Variants in CSMD3 observed in about 807,000 individuals in gnomAD.
CSMD3 encodes CUB and sushi domain-containing protein 3.
CSMD3 carries 177 observed loss-of-function variants against 435.2 expected under a neutral mutation model. The observed-to-expected ratio is 0.41, with a 90% confidence interval of 0.36 to 0.46. The LOEUF (loss-of-function observed/expected upper bound fraction) is 0.46. Ranked by LOEUF, CSMD3 falls within the 20% of genes least tolerant of loss-of-function variation. CSMD3 has a pLI of 0.34. For synonymous variants in CSMD3, 1,656 were observed against 1,520.5 expected, an observed-to-expected ratio of 1.09 and a Z score of -2.07; for missense variants, 4,265 against 4,504.6, an observed-to-expected ratio of 0.95 and a Z score of 1.52.
intron 13 of CSMD3, among the ~76,000 whole-genome samples, chr8:112,755,335 A>AATG (rs1563929133): frequency 2.8e-5 from 3 of 108,962 alleles, no homozygotes; most frequent in African/African-American, 1.4e-4. Flanking sequence ...CGTCTCAAAT[A>AATG]ATAATAATAA....
At chr8:113,120,017 T>C (rs773020227) in intron 4 of CSMD3, among the ~76,000 whole-genome samples, 2 of 151,918 alleles carry the variant, frequency 1.3e-5, no homozygotes, top group East Asian at 3.9e-4. Flanking sequence ...ATAAAAAAAA[T>C]TTTCCTAATC....
intron 13 of CSMD3, among the ~76,000 whole-genome samples, chr8:112,752,775 A>G (rs986382208): frequency 7.9e-5 from 12 of 152,190 alleles, no homozygotes; most frequent in African/African-American, 2.7e-4. Flanking sequence ...ATGTATCTTT[A>G]TTATCTAGAG....
chr8:112,722,206 A>T (rs1587077940), intron 13 of CSMD3, among the ~76,000 whole-genome samples: 1 of 152,164 alleles, frequency 6.6e-6, no homozygotes, highest in South Asian at 2.1e-4. Flanking sequence ...AAAAAAAAAA[A>T]AGCAAGGGAA....
At chr8:113,262,459 T>G (rs1279299821) in intron 3 of CSMD3, among the ~76,000 whole-genome samples, 1 of 152,060 alleles carries the variant, frequency 6.6e-6, no homozygotes, top group Non-Finnish European at 1.5e-5. Flanking sequence ...TCCTTCCCCA[T>G]GAGTGCAGGT....
intron 5 of CSMD3, among the ~76,000 whole-genome samples, chr8:113,022,220 AT>A (rs1286557355): frequency 6.6e-6 from 1 of 152,146 alleles, no homozygotes; most frequent in Non-Finnish European, 1.5e-5. Flanking sequence ...AATTTAGATA[AT>A]TACTAAAGGA....
chr8:113,003,150 CAGA>C (rs2085928225), intron 6 of CSMD3, among the ~76,000 whole-genome samples: 1 of 152,032 alleles, frequency 6.6e-6, no homozygotes, highest in Non-Finnish European at 1.5e-5. Context: ...GAGGCTGAGG[CAGA>C]AGAATCACTT....
At chr8:112,575,864 T>G (rs1024435072) in intron 23 of CSMD3, among the ~76,000 whole-genome samples, 4 of 152,120 alleles carry the variant, frequency 2.6e-5, no homozygotes, top group African/African-American at 9.6e-5. Flanking sequence ...ATTTTATGAT[T>G]CTATATTACA....
intron 3 of CSMD3, among the ~76,000 whole-genome samples, chr8:113,222,332 A>C (rs1367349634): frequency 6.6e-6 from 1 of 151,060 alleles, no homozygotes; most frequent in African/African-American, 2.4e-5. Flanking sequence ...TAATCTTTAA[A>C]TTTAGAAAAC....
chr8:112,339,521 T>C (rs1431721168), intron 42 of CSMD3, among the ~76,000 whole-genome samples: 2 of 152,168 alleles, frequency 1.3e-5, no homozygotes, highest in African/African-American at 4.8e-5. Flanking sequence ...TTTCGTTCTT[T>C]TGTTGCTTCA....
intron 22 of CSMD3, among the ~76,000 whole-genome samples, chr8:112,604,116 A>G (rs1832601279): frequency 6.6e-6 from 1 of 152,276 alleles, no homozygotes; most frequent in Admixed American, 6.5e-5. Context: ...GCAAACTTTC[A>G]GTTAAATGAA....
intron 38 of CSMD3, among the ~76,000 whole-genome samples, chr8:112,367,921 A>G (rs1827942601): frequency 6.6e-6 from 1 of 152,194 alleles, no homozygotes; most frequent in African/African-American, 2.4e-5. Flanking sequence ...GGTTTACTAT[A>G]TAACTGGCAC....
intron 13 of CSMD3, among the ~76,000 whole-genome samples, chr8:112,773,916 A>G (rs1414065317): frequency 6.6e-6 from 1 of 152,072 alleles, no homozygotes; most frequent in African/African-American, 2.4e-5. Flanking sequence ...AAAGCAAGAT[A>G]TAGTTTTCCA....
At chr8:112,651,290 A>C (rs969917677) in intron 18 of CSMD3, among the ~76,000 whole-genome samples, 4 of 152,202 alleles carry the variant, frequency 2.6e-5, no homozygotes, top group African/African-American at 9.7e-5. Context: ...TATATGAGAA[A>C]ATATTTATTT....
chr8:112,697,299 T>G (rs2076279763), intron 13 of CSMD3, among the ~76,000 whole-genome samples: 1 of 152,200 alleles, frequency 6.6e-6, no homozygotes, highest in Admixed American at 6.5e-5. Flanking sequence ...GCAGCACTAT[T>G]CACAATAGCA....
At chr8:112,763,608 G>A (rs1055664992) in intron 13 of CSMD3, among the ~76,000 whole-genome samples, 2 of 146,842 alleles carry the variant, frequency 1.4e-5, no homozygotes, top group African/African-American at 5.0e-5. Context: ...AAAAATAAGA[G>A]CTTCTACTTC....
At chr8:112,770,326 C>T (rs530117796) in intron 13 of CSMD3, among the ~76,000 whole-genome samples, 1 of 151,874 alleles carries the variant, frequency 6.6e-6, no homozygotes, top group Admixed American at 6.6e-5. Flanking sequence ...TTTTCTTGAC[C>T]CTTCCACCTT....
intron 11 of CSMD3, among the ~76,000 whole-genome samples, chr8:112,835,529 G>T (rs1241709488): frequency 6.6e-6 from 1 of 151,870 alleles, no homozygotes; most frequent in East Asian, 1.9e-4. Context: ...TAGGAATCTT[G>T]GTAGGAAGTA....
At chr8:112,905,273 G>T (rs536879441) in intron 10 of CSMD3, among the ~76,000 whole-genome samples, 1 of 149,586 alleles carries the variant, frequency 6.7e-6, no homozygotes, top group African/African-American at 2.5e-5. Context: ...CAATTTATTA[G>T]ACAAACAGAT....
intron 28 of CSMD3, among the ~76,000 whole-genome samples, chr8:112,515,039 A>C (rs2251983): frequency 0.53 from 79,748 of 151,692 alleles, 21,025 homozygotes; most frequent in Non-Finnish European, 0.54. Context: ...AGTAAGACTT[A>C]GTACTCAGCT....
Sources: allele counts gnomAD v4.1 joint callset (sites outside exome capture counted in the v4.1 genomes callset), GRCh38; gene constraint gnomAD v4.1.1; transcripts MANE v1.5; gene names NCBI Gene and HGNC (gene_info 2026-07-23, HGNC 2026-07-21).